Variants in IQANK1 observed in about 807,000 individuals in gnomAD.
IQANK1 encodes the protein IQ motif and ankyrin repeat containing 1.
IQANK1 carries 30 observed loss-of-function variants against 22.6 expected under a neutral mutation model. The observed-to-expected ratio is 1.33, with a 90% confidence interval of 0.99 to 1.80. IQANK1 has a LOEUF of 1.80. IQANK1 is among the 40% of genes most tolerant of loss of function. The pLI, the probability that IQANK1 is intolerant of heterozygous loss-of-function variation, is 0.00. For synonymous variants in IQANK1, 122 were observed against 99.6 expected, an observed-to-expected ratio of 1.23 and a Z score of -1.34; for missense variants, 275 against 235.2, an observed-to-expected ratio of 1.17 and a Z score of -1.11.
In IQANK1 at chr8:143,775,391, G is replaced by T. The variant is rs564045481; in HGVS notation, c.789+2909G>T. Among the ~76,000 whole-genome samples, 11 of 150,730 alleles carry T rather than the reference G, an allele frequency of 7.3e-5. No individual in the cohort carries two copies. In the South Asian group the frequency reaches 2.3e-3, roughly 32 times the overall value. Reference sequence around the variant, plus strand: ...ACACACACACGAAAAATGACCCAGAGTGAAGAGAAAAATCAATGAAAACAG... The same window carrying T: ...ACACACACACGAAAAATGACCCAGATTGAAGAGAAAAATCAATGAAAACAG... On this transcript the variant is annotated intron_variant, in intron 7 of 13. Coordinates refer to ENST00000527139, the MANE Select transcript of IQANK1 (RefSeq NM_001381874.1).
Position 143,789,481 on chromosome 8 carries a change from G to A in IQANK1, c.1039G>A (p.Asp347Asn), listed in dbSNP as rs2129963891. The A allele has an allele frequency of 8.9e-6, 11 of 1,232,268 alleles. No individual in the cohort carries two copies. In the East Asian group the frequency reaches 9.5e-5, roughly 11 times the overall value. 76.3% of individuals were successfully genotyped at this position (1,232,268 alleles called of 1,614,324 possible). A position where few individuals can be genotyped will look rare whatever the true frequency, so the allele number is the denominator to read the frequency against. The change falls in exon 10 of 14, where the codon GAC becomes AAC. Residue 347 changes from aspartate to asparagine, a missense_variant. Transcript: ENST00000527139. ...CELSRRISEH[D>N]QCEWRCMDKT... ...GCTTAGCCGGAGGATCTCAGAGCAC[G>A]ACCAGTGTGAGTGGAGGTGCATGGA...
chr8:143,760,281 C>A (rs532572904), intron 3 of IQANK1: 3 of 152,234 alleles, frequency 2.0e-5, no homozygotes, highest in Non-Finnish European at 4.4e-5. Context: ...ATCAGTTGCA[C>A]AACTGTGTCT....
Position 143,739,905 on chromosome 8 carries a change from G to C in IQANK1, c.132G>C (p.Gln44His). 1.4e-6 allele frequency: 1 copy of C among 698,452 alleles called. No individual in the cohort carries two copies. The highest frequency in any genetic ancestry group is 2.7e-5 in the East Asian group (1 of 36,892). The allele number at this position is 698,452 out of a possible 1,614,324, so 43.3% of individuals were successfully genotyped here. The change falls in exon 3 of 14, where the codon CAG becomes CAC. Residue 44 changes from glutamine (Q) to histidine (H), a missense_variant. Transcript: ENST00000527139. Reference sequence around the variant, plus strand: ...CGCCGCAGAGGAAAGCGGGCTGGCAGGCGAGGGAGCCCGCGTCGGCTGAGA... The same window carrying C: ...CGCCGCAGAGGAAAGCGGGCTGGCACGCGAGGGAGCCCGCGTCGGCTGAGA... Reference protein sequence around the residue: ...NRPPQRKAGWQAREPASAESP... With the variant: ...NRPPQRKAGWHAREPASAESP...
intron 3 of IQANK1, among the ~76,000 whole-genome samples, chr8:143,760,203 C>T (rs1350532284): frequency 6.6e-6 from 1 of 152,180 alleles, no homozygotes; most frequent in Non-Finnish European, 1.5e-5. Context: ...GTCCTGCACA[C>T]CTGAGAGCCC....
chr8:143,740,385 C>G (rs955701426), intron 3 of IQANK1, among the ~76,000 whole-genome samples: 1 of 152,214 alleles, frequency 6.6e-6, no homozygotes, highest in Non-Finnish European at 1.5e-5. Flanking sequence ...CAGCTCCGAC[C>G]CTGCGCTGTT....
intron 3 of IQANK1, among the ~76,000 whole-genome samples, chr8:143,748,353 G>A (rs1353541209): frequency 1.3e-5 from 2 of 150,092 alleles, no homozygotes; most frequent in Non-Finnish European, 2.9e-5. Flanking sequence ...ATCCATATGG[G>A]GGCGGGTATT....
At chr8:143,786,793 G>A (rs540964616) in intron 7 of IQANK1, among the ~76,000 whole-genome samples, 85 of 152,332 alleles carry the variant, frequency 5.6e-4, no homozygotes, top group African/African-American at 2.0e-3. Flanking sequence ...ATACAAGGGA[G>A]AACTTGGAGG....
intron 3 of IQANK1, among the ~76,000 whole-genome samples, chr8:143,743,474 TG>T (rs1475451339): frequency 1.3e-5 from 2 of 152,248 alleles, no homozygotes; most frequent in Non-Finnish European, 2.9e-5. Flanking sequence ...CTCAAGGACT[TG>T]GGCTGTTTGA....
intron 3 of IQANK1, among the ~76,000 whole-genome samples, chr8:143,761,042 C>G (rs1277147638): frequency 2.6e-5 from 4 of 152,204 alleles, no homozygotes; most frequent in Non-Finnish European, 5.9e-5. Context: ...CGCGCGGGCC[C>G]TGAAGACCCA....
At chr8:143,741,850 A>C in intron 3 of IQANK1, 1 of 157,868 alleles carries the variant, frequency 6.3e-6, no homozygotes, top group Non-Finnish European at 1.4e-5. Flanking sequence ...GCCTCCTCTT[A>C]TTGGCCTGCA....
intron 7 of IQANK1, among the ~76,000 whole-genome samples, chr8:143,788,227 C>T (rs566753485): frequency 4.2e-4 from 64 of 152,360 alleles, no homozygotes; most frequent in Non-Finnish European, 7.6e-4. Context: ...AGCGTGATGC[C>T]GGGACTGGCC....
At chr8:143,737,388 G>T (rs1313996160) in intron 2 of IQANK1, among the ~76,000 whole-genome samples, 3 of 152,212 alleles carry the variant, frequency 2.0e-5, no homozygotes, top group African/African-American at 7.2e-5. Flanking sequence ...GGACACCTCT[G>T]TCCCTGAACA....
At position 143,771,664 on chromosome 8, in the gene IQANK1, G is replaced by T. The variant is rs1277415986; in HGVS notation, c.306+46G>T. The T allele has an allele frequency of 1.0e-5, 4 of 399,548 alleles. No individual in the cohort carries two copies. Among genetic ancestry groups the T allele is most frequent in the African/African-American group, 8.2e-5 (4 of 48,578 alleles). The allele number at this position is 399,548 out of a possible 1,614,324, so 24.8% of individuals were successfully genotyped here. On this transcript the variant is annotated intron_variant, in intron 4 of 13. Transcript: ENST00000527139. The surrounding 1 kb of genome is among the most constrained non-coding windows in gnomAD (Gnocchi z 6.0). The stretch of plus-strand genomic sequence containing the variant: ...CAGCCGGGGGCCAGGCAGGAGGCAG[G>T]GGGAGGAAATGGCGAAGCAGGGTGC...
intron 3 of IQANK1, among the ~76,000 whole-genome samples, chr8:143,749,958 CCTT>C (rs1255371614): frequency 8.0e-5 from 12 of 150,134 alleles, no homozygotes; most frequent in East Asian, 3.9e-4. Flanking sequence ...TATATAATGT[CCTT>C]CTTTGTCTCT....
At chr8:143,761,755 T>C (rs1007671747) in intron 3 of IQANK1, among the ~76,000 whole-genome samples, 1 of 151,830 alleles carries the variant, frequency 6.6e-6, no homozygotes, top group East Asian at 1.9e-4. Flanking sequence ...TGGAGCCTTA[T>C]AGCTATATGT....
In IQANK1 at chr8:143,790,636, T is replaced by C; in HGVS notation, c.*28T>C. ...CTGGCCCCAGTCCCAATAAAACGTGTGCCCCGGGGCGCGGTGCTGCATCTG... is the reference window on the plus strand; with the variant it reads ...CTGGCCCCAGTCCCAATAAAACGTGCGCCCCGGGGCGCGGTGCTGCATCTG... On this transcript the variant is annotated 3_prime_UTR_variant, in exon 14 of 14. Coordinates refer to ENST00000527139, the MANE Select transcript of IQANK1 (RefSeq NM_001381874.1). 2.5e-6 allele frequency: 1 copy of C among 398,596 alleles called. No individual in the cohort carries two copies. 24.7% of individuals were successfully genotyped at this position (398,596 alleles called of 1,614,324 possible).
In IQANK1 at chr8:143,735,373, G is replaced by A. The variant is rs1818706091; in HGVS notation, c.-4-477G>A. On this transcript the variant is annotated intron_variant, in intron 1 of 13. Coordinates refer to ENST00000527139, the MANE Select transcript of IQANK1 (RefSeq NM_001381874.1). The surrounding 1 kb of genome is among the most constrained non-coding windows in gnomAD (Gnocchi z 5.2). Reference sequence around the variant, plus strand: ...GAGCCGGGACCACATAAGGTCTGAGGGTGTGGAGGGGTGAGTGCCTTGGGT... The same window carrying A: ...GAGCCGGGACCACATAAGGTCTGAGAGTGTGGAGGGGTGAGTGCCTTGGGT... Among the ~76,000 whole-genome samples, 1 of 152,208 alleles carries A rather than the reference G, an allele frequency of 6.6e-6. No individual in the cohort carries two copies. Among genetic ancestry groups the A allele is most frequent in the African/African-American group, 2.4e-5 (1 of 41,450 alleles).
intron 3 of IQANK1, among the ~76,000 whole-genome samples, chr8:143,740,829 G>A (rs555925904): frequency 6.6e-6 from 1 of 152,400 alleles, no homozygotes; most frequent in African/African-American, 2.4e-5. Flanking sequence ...CCTGTCCTGA[G>A]GACGGGAGTA....
At chr8:143,748,000 C>CTTTCT (rs555939378) in intron 3 of IQANK1, among the ~76,000 whole-genome samples, 3 of 118,892 alleles carry the variant, frequency 2.5e-5, no homozygotes, top group Admixed American at 9.3e-5. Context: ...CTTTCTTTTC[C>CTTTCT]TTTCTTTTCT....
Sources: gnomAD v4.1 joint callset for allele counts (sites outside exome capture counted in the v4.1 genomes callset) on GRCh38, gnomAD v4.1.1 for gene constraint, Gnocchi (gnomAD v3.1) non-coding constraint, MANE v1.5 for transcripts, NCBI Gene and HGNC (gene_info 2026-07-23, HGNC 2026-07-21) for gene names.